INSR: variants seen among roughly 807,000 people sequenced by gnomAD.
The protein encoded by INSR is insulin receptor.
A neutral mutation model predicts 142.6 loss-of-function variants in INSR; 67 were observed. That is an observed-to-expected ratio of 0.47 (90% CI 0.39 to 0.58). The LOEUF (loss-of-function observed/expected upper bound fraction) is 0.58, where lower values mean the gene tolerates loss of function less well. Ranked by LOEUF, INSR falls within the 20% of genes least tolerant of loss-of-function variation. The pLI is 0.00. For synonymous variants in INSR, 756 were observed against 743.1 expected, an observed-to-expected ratio of 1.02 and a Z score of -0.28; for missense variants, 1,248 against 1,833.2, an observed-to-expected ratio of 0.68 and a Z score of 5.83.
At position 7,113,675 on chromosome 19, in the gene INSR, C is replaced by T. The variant is rs1972256164; in HGVS notation, c.*3381G>A. 6.6e-6 allele frequency: 1 copy of T among 152,150 alleles called. No homozygotes were observed. The highest frequency in any genetic ancestry group is 2.1e-4 in the South Asian group (1 of 4,830). The allele number at this position is 152,150 out of a possible 1,614,324, so 9.4% of individuals were successfully genotyped here. On this transcript the variant is annotated 3_prime_UTR_variant, in exon 22 of 22. Coordinates refer to ENST00000302850, the MANE Select transcript of INSR (RefSeq NM_000208.4). ...TTTTGTTGTTGTTGTTGCAACTTAA[C>T]ACTACAAACTCCCAGGACAACCGTG...
intron 2 of INSR, among the ~76,000 whole-genome samples, chr19:7,242,485 C>T (rs1417113374): frequency 6.8e-6 from 1 of 148,000 alleles, no homozygotes; most frequent in African/African-American, 2.7e-5. Context: ...CCTGTATTCC[C>T]AGCATTTGAA....
chr19:7,218,987 T>C lies in INSR; in HGVS notation c.653-34350A>G, dbSNP rs111596132. ...CAGTGAGCTCCAGCCAAGGGTCCCA[T>C]GTCAGAGAAGTAGGTAACTGACTTG... On this transcript the variant is annotated intron_variant, in intron 2 of 21. Transcript: ENST00000302850. Among the ~76,000 whole-genome samples, 562 of 152,300 alleles carry C rather than the reference T, an allele frequency of 3.7e-3. 5 individuals carry two copies. Among genetic ancestry groups the C allele is most frequent in the Non-Finnish European group, 4.4e-3 (302 of 68,026 alleles).
At chr19:7,139,304 G>GC (rs1377930769) in intron 13 of INSR, among the ~76,000 whole-genome samples, 2 of 152,208 alleles carry the variant, frequency 1.3e-5, no homozygotes, top group Non-Finnish European at 2.9e-5. Flanking sequence ...TTGTTACGCA[G>GC]CAAGAACTGA....
intron 2 of INSR, among the ~76,000 whole-genome samples, chr19:7,200,619 G>A (rs1305243745): frequency 6.6e-6 from 1 of 151,980 alleles, no homozygotes; most frequent in Non-Finnish European, 1.5e-5. Flanking sequence ...CAGGAGGATT[G>A]CTTGAGCCTA....
At chr19:7,212,434 G>T (rs577699365) in intron 2 of INSR, among the ~76,000 whole-genome samples, 1 of 152,094 alleles carries the variant, frequency 6.6e-6, no homozygotes, top group East Asian at 1.9e-4. Context: ...ATGTTGAATC[G>T]AATGCCCATT....
chr19:7,117,247 C>CCA lies in INSR; in HGVS notation c.3956_3957dup (p.Glu1320TrpfsTer46), dbSNP rs1972357658. 6.2e-7 allele frequency: 1 copy of CCA among 1,614,086 alleles called. No individual in the cohort carries two copies. Among genetic ancestry groups the CCA allele is most frequent in the Admixed American group, 1.7e-5 (1 of 60,002 alleles). On this transcript the variant is annotated frameshift_variant, in exon 22 of 22. Transcript: ENST00000302850. LOFTEE classifies it low-confidence loss of function (END_TRUNC). The stretch of plus-strand genomic sequence containing the variant: ...GGCACATTCTCCATGTCCTCAAACT[C>CCA]CATCTCCAGCTCCTCACTCTCGGGA...
chr19:7,226,822 T>C (rs73490743), intron 2 of INSR, among the ~76,000 whole-genome samples: 2,805 of 151,802 alleles, frequency 0.018, 91 homozygotes, highest in African/African-American at 0.063. Context: ...GGTTTCCAAA[T>C]TGCAAAAATG....
chr19:7,233,328 G>C (rs1229194813), intron 2 of INSR, among the ~76,000 whole-genome samples: 1 of 152,124 alleles, frequency 6.6e-6, no homozygotes, highest in Non-Finnish European at 1.5e-5. Context: ...TACAAAAGAG[G>C]AAACAGATCC....
rs1252168494 is a variant in INSR at position 7,113,723 on chromosome 19, T to C, written c.*3333A>G. ...GTGTCTTTCTAGGACCAAAGTTTTATTGTTACAAAGTCAACATTTCCTAAT... is the reference window on the plus strand; with the variant it reads ...GTGTCTTTCTAGGACCAAAGTTTTACTGTTACAAAGTCAACATTTCCTAAT... On this transcript the variant is annotated 3_prime_UTR_variant, in exon 22 of 22. Transcript: ENST00000302850. The C allele has an allele frequency of 6.6e-6, 1 of 152,218 alleles. No homozygotes were observed. The highest frequency in any genetic ancestry group is 2.4e-5 in the African/African-American group (1 of 41,454). The allele number at this position is 152,218 out of a possible 1,614,324, so 9.4% of individuals were successfully genotyped here.
At chr19:7,203,151 A>G (rs1975015542) in intron 2 of INSR, among the ~76,000 whole-genome samples, 2 of 152,028 alleles carry the variant, frequency 1.3e-5, no homozygotes, top group South Asian at 4.1e-4. Context: ...TTGTTACCTG[A>G]GTCTCATCTC....
At chr19:7,217,480 C>T (rs1055893231) in intron 2 of INSR, among the ~76,000 whole-genome samples, 1 of 152,208 alleles carries the variant, frequency 6.6e-6, no homozygotes, top group African/African-American at 2.4e-5. Flanking sequence ...CATCATTCAA[C>T]CGACCACATT....
rs1248751664 is a variant in INSR, at chr19:7,225,280, G to C, written c.653-40643C>G. On this transcript the variant is annotated intron_variant, in intron 2 of 21. Coordinates refer to ENST00000302850, the MANE Select transcript of INSR (RefSeq NM_000208.4). The surrounding 1 kb of genome is among the most constrained non-coding windows in gnomAD (Gnocchi z 4.7). Reference sequence around the variant, plus strand: ...GCTCCATCAATGTTACTGTGGGCCAGTTGCCGTTATAGGTGTAAGATGATT... The same window carrying C: ...GCTCCATCAATGTTACTGTGGGCCACTTGCCGTTATAGGTGTAAGATGATT... Among the ~76,000 whole-genome samples the C allele has an allele frequency of 6.6e-6, 1 of 152,196 alleles. No individual in the cohort carries two copies. Among genetic ancestry groups the C allele is most frequent in the African/African-American group, 2.4e-5 (1 of 41,454 alleles).
At chr19:7,270,757 C>T (rs1486607103) in intron 1 of INSR, among the ~76,000 whole-genome samples, 1 of 150,806 alleles carries the variant, frequency 6.6e-6, no homozygotes, top group Non-Finnish European at 1.5e-5. Context: ...GACCTCGTCT[C>T]GATTAAAAAA....
intron 19 of INSR, among the ~76,000 whole-genome samples, chr19:7,122,222 T>A (rs1377405369): frequency 2.0e-5 from 3 of 150,186 alleles, no homozygotes; most frequent in African/African-American, 7.4e-5. Flanking sequence ...GGCAGGAGGA[T>A]CACGAGGTCA....
intron 13 of INSR, among the ~76,000 whole-genome samples, chr19:7,141,357 T>C (rs1051247095): frequency 3.9e-5 from 6 of 152,272 alleles, no homozygotes; most frequent in African/African-American, 1.4e-4. Flanking sequence ...ACCCAGCAAT[T>C]TATAAGGTTT....
intron 2 of INSR, among the ~76,000 whole-genome samples, chr19:7,248,754 A>ATTTTTTTTTTTTTTTTTTTTT (rs552940485): frequency 1.0e-5 from 1 of 97,290 alleles, no homozygotes; most frequent in African/African-American, 4.5e-5. Context: ...GTTGGCCAGA[A>ATTTTTTTTTTTTTTTTTTTTT]TTTTTTTTTT....
intron 2 of INSR, among the ~76,000 whole-genome samples, chr19:7,238,331 A>G (rs1427121291): frequency 6.6e-6 from 1 of 152,150 alleles, no homozygotes; most frequent in East Asian, 1.9e-4. Context: ...CAGAAAATGG[A>G]AAAAGAGGCC....
At chr19:7,185,872 CAA>C (rs1974416988) in intron 2 of INSR, among the ~76,000 whole-genome samples, 1 of 80,110 alleles carries the variant, frequency 1.2e-5, no homozygotes, top group Admixed American at 1.4e-4. Flanking sequence ...GAGAGAGAGA[CAA>C]AGAGAGAGAG....
Position 7,150,234 on chromosome 19 carries a change from G to T in INSR, c.2267+263C>A, listed in dbSNP as rs1360751352. On this transcript the variant is annotated intron_variant, in intron 11 of 21. Coordinates refer to ENST00000302850, the MANE Select transcript of INSR (RefSeq NM_000208.4). This position sits in a 1 kb window ranked among gnomAD's most constrained non-coding sequence, Gnocchi z 4.2. ...AACAGTGGCTGCAAACAGAAGGCAG[G>T]GAGGGGGTACCCAGGAAGCACTCCC... Among the ~76,000 whole-genome samples the T allele has an allele frequency of 6.6e-6, 1 of 152,204 alleles. No individual in the cohort carries two copies. Among genetic ancestry groups the T allele is most frequent in the Non-Finnish European group, 1.5e-5 (1 of 68,030 alleles).
Sources: allele counts gnomAD v4.1 joint callset (sites outside exome capture counted in the v4.1 genomes callset), GRCh38; gene constraint gnomAD v4.1.1; non-coding constraint Gnocchi (gnomAD v3.1); transcripts MANE v1.5; gene names NCBI Gene and HGNC (gene_info 2026-07-23, HGNC 2026-07-21).